PLPPR5: variants seen among roughly 807,000 people sequenced by gnomAD.
PLPPR5 encodes the protein phospholipid phosphatase related 5.
A neutral mutation model predicts 33.9 loss-of-function variants in PLPPR5; 16 were observed. The observed-to-expected ratio is 0.47, with a 90% CI of 0.32 to 0.72. The LOEUF (loss-of-function observed/expected upper bound fraction) is 0.72, where lower values mean the gene tolerates loss of function less well. PLPPR5 is among the 30% of genes least tolerant of loss of function. PLPPR5 has a pLI of 0.03. For missense variants in PLPPR5, 301 were observed against 406.7 expected, an observed-to-expected ratio of 0.74 and a Z score of 2.23; for synonymous variants, 163 against 150.3, an observed-to-expected ratio of 1.08 and a Z score of -0.62.
intron 1 of PLPPR5, among the ~76,000 whole-genome samples, chr1:98,968,169 A>T (rs1651519049): frequency 6.6e-6 from 1 of 152,152 alleles, no homozygotes; most frequent in African/African-American, 2.4e-5. Flanking sequence ...AAAGGTAGCA[A>T]ACATAAGCTC....
intron 2 of PLPPR5, 66 bp from the exon 3 acceptor site, chr1:98,953,386 T>TGC: frequency 6.5e-7 from 1 of 1,545,774 alleles, no homozygotes; most frequent in Non-Finnish European, 8.7e-7. Flanking sequence ...TGTGTGTGTG[T>TGC]GTGTGTGTGA....
chr1:98,987,913 C>G (rs1337864547), intron 1 of PLPPR5, among the ~76,000 whole-genome samples: 2 of 151,920 alleles, frequency 1.3e-5, no homozygotes, highest in East Asian at 3.9e-4. Flanking sequence ...GTATAGTATA[C>G]TTTCATGAAC....
intron 1 of PLPPR5, among the ~76,000 whole-genome samples, chr1:98,958,187 A>C (rs753010465): frequency 6.6e-6 from 1 of 152,240 alleles, no homozygotes; most frequent in Non-Finnish European, 1.5e-5. Flanking sequence ...CATGCTATAC[A>C]GGGAGTCCCT....
intron 3 of PLPPR5, among the ~76,000 whole-genome samples, chr1:98,925,203 G>A (rs1419456377): frequency 6.6e-6 from 1 of 152,166 alleles, no homozygotes; most frequent in Non-Finnish European, 1.5e-5. Flanking sequence ...TGCTCTCTTG[G>A]TTTTTAATTC....
chr1:98,915,610 A>C (rs1409403006), intron 4 of PLPPR5, among the ~76,000 whole-genome samples: 2 of 152,054 alleles, frequency 1.3e-5, no homozygotes, highest in Admixed American at 6.5e-5. Flanking sequence ...TGTTCTAAAA[A>C]AAAAGAAAAG....
rs1347007151 is a variant in PLPPR5, at chr1:98,914,767, A to C, written c.933+19T>G. On this transcript the variant is annotated intron_variant, in intron 5 of 5. Transcript: ENST00000263177. ...ATTTGCTCTAGTTATTATAATTTAG[A>C]ATTTAAATTGTGAGTCACCTGTACA... is the stretch of plus-strand genomic sequence containing the variant. 6.3e-7 allele frequency: 1 copy of C among 1,593,430 alleles called. No individual in the cohort carries two copies. The highest frequency in any genetic ancestry group is 8.5e-7 in the Non-Finnish European group (1 of 1,170,090).
intron 3 of PLPPR5, among the ~76,000 whole-genome samples, chr1:98,939,557 G>A (rs1321483231): frequency 6.6e-6 from 1 of 151,946 alleles, no homozygotes; most frequent in African/African-American, 2.4e-5. Context: ...ACAAAAATCT[G>A]AGTGTGGCCT....
At chr1:98,965,905 G>C (rs6577266) in intron 1 of PLPPR5, among the ~76,000 whole-genome samples, 10,643 of 152,268 alleles carry the variant, frequency 0.07, 507 homozygotes, top group Non-Finnish European at 0.096. Flanking sequence ...TATTTGGCAT[G>C]TGTTTCACAT....
In PLPPR5 at chr1:98,921,894, T is replaced by C; in HGVS notation, c.786A>G (p.Ile262Met). The C allele has an allele frequency of 1.2e-6, 2 of 1,612,816 alleles. No individual in the cohort carries two copies. The highest frequency in any genetic ancestry group is 1.7e-6 in the Non-Finnish European group (2 of 1,179,570). Residue 262 changes from isoleucine (I) to methionine (M), a missense_variant, in exon 4 of 6, where the codon ATA becomes ATG. Coordinates refer to ENST00000263177, the MANE Select transcript of PLPPR5 (RefSeq NM_001037317.2). ...AATTTGTACTTACCAGAAATACTGC[T>C]ATAGATATTCCAACCAGAAAGCCTG... ...VIAGFLVGIS[I>M]AVFLVVCVVN... is the part of the protein sequence containing the mutation.
intron 1 of PLPPR5, among the ~76,000 whole-genome samples, chr1:98,978,510 C>T (rs1651945367): frequency 6.6e-6 from 1 of 152,124 alleles, no homozygotes; most frequent in African/African-American, 2.4e-5. Context: ...AAACATGCTC[C>T]TTGTCTTCAA....
rs309087 is a variant in PLPPR5, at chr1:98,953,091, G to C, written c.600C>G (p.Val200=). The change falls in exon 3 of 6, where the codon GTC becomes GTG. Residue 200 remains valine (V), a synonymous_variant. Transcript: ENST00000263177. ...TFPSKEAALS[V]YAAMYLTMYI... ...TTACGGTCAGATACATAGCTGCATA[G>C]ACACTGAGAGCTGCTTCTTTGGATG... 0.18 allele frequency: 295,186 copies of C among 1,613,384 alleles called. 28,134 individuals carry two copies. The highest frequency in any genetic ancestry group is 0.27 in the African/African-American group (20,570 of 74,936).
At chr1:98,894,882 C>A (rs945571509) in intron 5 of PLPPR5, among the ~76,000 whole-genome samples, 2 of 151,936 alleles carry the variant, frequency 1.3e-5, no homozygotes, top group Admixed American at 1.3e-4. Flanking sequence ...CAGAGCTTGA[C>A]AGAAATAGAG....
chr1:98,910,264 C>T (rs940736947), intron 5 of PLPPR5, among the ~76,000 whole-genome samples: 3 of 152,268 alleles, frequency 2.0e-5, no homozygotes, highest in African/African-American at 4.8e-5. Flanking sequence ...CCAGCTTTAA[C>T]GTCTAATGTC....
At chr1:98,902,553 GT>G (rs2101137181) in intron 5 of PLPPR5, among the ~76,000 whole-genome samples, 1 of 152,090 alleles carries the variant, frequency 6.6e-6, no homozygotes, top group South Asian at 2.1e-4. Flanking sequence ...TATTTACCTA[GT>G]TTTAGTCAAA....
chr1:98,995,081 G>A (rs1652582802), intron 1 of PLPPR5, among the ~76,000 whole-genome samples: 1 of 152,116 alleles, frequency 6.6e-6, no homozygotes, highest in African/African-American at 2.4e-5. Context: ...TAACCATTGT[G>A]GAAAGCATTT....
chr1:98,944,205 T>G (rs563081734), intron 3 of PLPPR5, among the ~76,000 whole-genome samples: 2 of 152,294 alleles, frequency 1.3e-5, no homozygotes, highest in East Asian at 3.9e-4. Context: ...GTCAGTGGCA[T>G]GCTAGACATT....
intron 3 of PLPPR5, among the ~76,000 whole-genome samples, chr1:98,930,077 T>C (rs1649909246): frequency 6.6e-6 from 1 of 152,198 alleles, no homozygotes; most frequent in African/African-American, 2.4e-5. Context: ...AAAATCAATA[T>C]GTAAAAGACA....
At chr1:98,899,618 T>C (rs1482969148) in intron 5 of PLPPR5, among the ~76,000 whole-genome samples, 1 of 151,916 alleles carries the variant, frequency 6.6e-6, no homozygotes, top group Non-Finnish European at 1.5e-5. Context: ...TGCATAAAAG[T>C]GTTAAGAAGA....
At chr1:98,948,942 C>A (rs936520191) in intron 3 of PLPPR5, among the ~76,000 whole-genome samples, 2 of 152,138 alleles carry the variant, frequency 1.3e-5, no homozygotes, top group Admixed American at 1.3e-4. Context: ...GTAACTGACC[C>A]TTTTTCCTTG....
Sources: gnomAD v4.1 joint callset for allele counts (sites outside exome capture counted in the v4.1 genomes callset) on GRCh38, gnomAD v4.1.1 for gene constraint, MANE v1.5 for transcripts, NCBI Gene and HGNC (gene_info 2026-07-23, HGNC 2026-07-21) for gene names.